ZMYND11: variants seen among roughly 807,000 people sequenced by gnomAD.
ZMYND11 encodes the protein zinc finger MYND domain-containing protein 11.
ZMYND11 carries 9 observed loss-of-function variants against 84.9 expected under a neutral mutation model. The ratio of observed to expected loss-of-function variants is 0.11; its 90% CI spans 0.06 to 0.18. The LOEUF is 0.18. ZMYND11 is among the 10% of genes least tolerant of loss of function. ZMYND11 has a pLI of 1.00. For synonymous variants in ZMYND11, 250 were observed against 244.1 expected (o/e 1.02, Z -0.23); for missense variants, 409 against 761.0 (o/e 0.54, Z 5.44).
chr10:191,908 C>A (rs1409875439), intron 2 of ZMYND11, among the ~76,000 whole-genome samples: 2 of 152,294 alleles, frequency 1.3e-5, no homozygotes, highest in South Asian at 4.1e-4. Flanking sequence ...TCTGGCGAGA[C>A]TGCACTGTAA....
intron 2 of ZMYND11, among the ~76,000 whole-genome samples, chr10:198,458 C>T (rs1942323901): frequency 6.6e-6 from 1 of 151,856 alleles, no homozygotes; most frequent in South Asian, 2.1e-4. Flanking sequence ...TGGTTAATCC[C>T]CATAAAATCT....
intron 1 of ZMYND11, among the ~76,000 whole-genome samples, chr10:150,021 T>A (rs1554756527): frequency 2.0e-5 from 3 of 152,180 alleles, no homozygotes; most frequent in Non-Finnish European, 4.4e-5. Context: ...TGCCAGTATT[T>A]TATTGAGGAT....
chr10:248,345 C>A lies in ZMYND11; in HGVS notation c.1237C>A (p.Pro413Thr), dbSNP rs1057518121. ...TTGTCTCACCTTTTAGGAACCAGAG[C>A]CTGAAACAGAAGCAGTAAGTTCTAG... is the stretch of plus-strand genomic sequence containing the variant. Reference protein sequence around the residue: ...SVEPKKEEPEPETEAVSSSQE... With the variant: ...SVEPKKEEPETETEAVSSSQE... Residue 413 changes from proline to threonine, a missense_variant, in exon 13 of 15, where the codon CCT (proline) becomes ACT (threonine). This residue lies in a region of ZMYND11 where 19 missense variants were observed against 60.5 expected (regional missense o/e 0.31). Transcript: ENST00000381604. The A allele has an allele frequency of 2.5e-6, 4 of 1,613,270 alleles. No homozygotes were observed. The highest frequency in any genetic ancestry group is 3.4e-6 in the Non-Finnish European group (4 of 1,179,452).
At chr10:148,942 C>T (rs1159055023) in intron 1 of ZMYND11, among the ~76,000 whole-genome samples, 1 of 152,094 alleles carries the variant, frequency 6.6e-6, no homozygotes, top group Non-Finnish European at 1.5e-5. Flanking sequence ...TTTTAAATTA[C>T]CAGATACATT....
intron 4 of ZMYND11, among the ~76,000 whole-genome samples, chr10:236,328 GT>G (rs1279128192): frequency 2.6e-5 from 4 of 152,234 alleles, no homozygotes; most frequent in African/African-American, 9.6e-5. Context: ...AAGAGTTGGA[GT>G]TATTACTGAG....
intron 2 of ZMYND11, among the ~76,000 whole-genome samples, chr10:201,815 G>T (rs772508537): frequency 6.6e-6 from 1 of 151,928 alleles, no homozygotes; most frequent in South Asian, 2.1e-4. Flanking sequence ...TATTGAAAAA[G>T]TTCAGAGAAA....
At chr10:165,979 A>G (rs943134697) in intron 1 of ZMYND11, among the ~76,000 whole-genome samples, 1 of 152,156 alleles carries the variant, frequency 6.6e-6, no homozygotes. Flanking sequence ...GATTTTTGAC[A>G]AGGATGCTAA....
At chr10:243,886 G>A (rs889735919) in intron 10 of ZMYND11, among the ~76,000 whole-genome samples, 1 of 152,044 alleles carries the variant, frequency 6.6e-6, no homozygotes, top group Non-Finnish European at 1.5e-5. Flanking sequence ...AATAATAATG[G>A]TGCTAATCTG....
chr10:144,634 G>C (rs868964664), intron 1 of ZMYND11, among the ~76,000 whole-genome samples: 47 of 122,918 alleles, frequency 3.8e-4, no homozygotes, highest in South Asian at 8.7e-4. Context: ...CTGAGCGTCT[G>C]AATTCCTTTT....
intron 5 of ZMYND11, 95 bp from the exon 6 acceptor site, chr10:237,490 A>G: frequency 1.3e-6 from 1 of 746,036 alleles, no homozygotes; most frequent in Non-Finnish European, 2.1e-6. Flanking sequence ...AAAAATAAAA[A>G]ATAAAAAGGT....
chr10:178,601 A>C, intron 1 of ZMYND11, among the ~76,000 whole-genome samples: 1 of 152,304 alleles, frequency 6.6e-6, no homozygotes, highest in Non-Finnish European at 1.5e-5. Flanking sequence ...TTATATTTTC[A>C]TTATGTATAA....
At position 203,538 on chromosome 10, in the gene ZMYND11, C is replaced by A. The variant is rs1588920275; in HGVS notation, c.117-6351C>A. The stretch of plus-strand genomic sequence containing the variant: ...ATTTAACTATTTTTGTGGATTTTGG[C>A]AAACTGACTTTAAAATTACTGTGGA... On this transcript the variant is annotated intron_variant, in intron 2 of 14. Transcript: ENST00000381604. 4.6e-5 allele frequency among the ~76,000 whole-genome samples: 7 copies of A among 152,062 alleles called. No homozygotes were observed. The East Asian group carries it at 1.4e-3, about 29-fold the overall frequency.
rs1450865200 is a variant in ZMYND11 at position 237,615 on chromosome 10, A to C, written c.547A>C (p.Asn183His). ...AGATCTTAATAAAAAGGGGAAGGAC[A>C]ATAAACACCCGATGTACAGGAGGCT... ...AIDLNKKGKD[N>H]KHPMYRRLVH... The change falls in exon 6 of 15, where the codon AAT becomes CAT. Residue 183 changes from asparagine (N) to histidine (H), a missense_variant. Physicochemically the swap from Asn to His is moderately conservative, Grantham distance 68. Coordinates refer to ENST00000381604, the MANE Select transcript of ZMYND11 (RefSeq NM_001370100.5). 3.7e-6 allele frequency: 6 copies of C among 1,613,530 alleles called. No individual in the cohort carries two copies. Among genetic ancestry groups the C allele is most frequent in the Non-Finnish European group, 5.1e-6 (6 of 1,179,822 alleles).
rs145311123 is a variant in ZMYND11, at chr10:182,249, A to C, written c.116+2121A>C. Among the ~76,000 whole-genome samples the C allele has an allele frequency of 2.6e-5, 4 of 152,348 alleles. No individual in the cohort carries two copies. The East Asian group carries it at 7.7e-4, about 29-fold the overall frequency. ...GGTGGCAGATACCTGTTGGATTATT[A>C]CAACACGTGTGTGTACATGTATACA... is the stretch of plus-strand genomic sequence containing the variant. On this transcript the variant is annotated intron_variant, in intron 2 of 14. Coordinates refer to ENST00000381604, the MANE Select transcript of ZMYND11 (RefSeq NM_001370100.5).
intron 1 of ZMYND11, among the ~76,000 whole-genome samples, chr10:150,583 GC>G (rs1186501752): frequency 1.4e-4 from 21 of 152,256 alleles, no homozygotes; most frequent in African/African-American, 5.1e-4. Context: ...AAACAAAGTG[GC>G]CTGGAGGCTC....
intron 3 of ZMYND11, among the ~76,000 whole-genome samples, chr10:219,555 T>G (rs777349874): frequency 6.6e-6 from 1 of 152,184 alleles, no homozygotes; most frequent in Non-Finnish European, 1.5e-5. Flanking sequence ...AATATAATAA[T>G]TGATAAATTG....
intron 10 of ZMYND11, among the ~76,000 whole-genome samples, chr10:243,869 AAATAATAAT>A (rs549944183): frequency 2.6e-5 from 4 of 152,158 alleles, no homozygotes; most frequent in Non-Finnish European, 5.9e-5. Flanking sequence ...CGTCTCAAAA[AAATAATAAT>A]AATAATGGTG....
chr10:246,754 T>C lies in ZMYND11; in HGVS notation c.951-12T>C. The C allele has an allele frequency of 9.3e-6, 15 of 1,613,494 alleles. No individual in the cohort carries two copies. The highest frequency in any genetic ancestry group is 1.2e-5 in the Non-Finnish European group (14 of 1,179,534). On this transcript the variant is annotated splice_polypyrimidine_tract_variant and intron_variant, in intron 10 of 14. Transcript: ENST00000381604. Reference sequence around the variant, plus strand: ...GGATGTTTCTAACTATACCTTTATGTGTTTTTCCTAGGGCCTGGATTCCTT... The same window carrying C: ...GGATGTTTCTAACTATACCTTTATGCGTTTTTCCTAGGGCCTGGATTCCTT...
At chr10:141,051 A>G (rs1050476425) in intron 1 of ZMYND11, among the ~76,000 whole-genome samples, 3 of 152,234 alleles carry the variant, frequency 2.0e-5, no homozygotes, top group African/African-American at 7.2e-5. Flanking sequence ...ATTAGCTTAC[A>G]CATTAATTGG....
Sources: allele counts gnomAD v4.1 joint callset (sites outside exome capture counted in the v4.1 genomes callset), GRCh38; gene constraint gnomAD v4.1.1; regional missense constraint gnomAD v4.1.1; transcripts MANE v1.5; gene names NCBI Gene and HGNC (gene_info 2026-07-23, HGNC 2026-07-21).